The following PLA2G6 variants were observed in gnomAD, a reference collection of about 807,000 sequenced individuals.
PLA2G6 encodes phospholipase A2 group VI.
Under a neutral mutation model 83.8 loss-of-function variants are expected in PLA2G6, and 62 were observed. The ratio of observed to expected loss-of-function variants is 0.74; its 90% CI spans 0.60 to 0.91. PLA2G6 has a LOEUF of 0.91. Ranked by LOEUF, PLA2G6 falls within the 40% of genes least tolerant of loss-of-function variation. The pLI, the probability that PLA2G6 is intolerant of heterozygous loss-of-function variation, is 0.00. For synonymous variants in PLA2G6, 417 were observed against 449.8 expected (o/e 0.93, Z 0.92); for missense variants, 944 against 1,102.0 (o/e 0.86, Z 2.03).
chr22:38,116,090 G>A lies in PLA2G6; in HGVS notation c.1864C>T (p.Pro622Ser). The part of the protein sequence containing the change: ...RFNQNVNLRP[P>S]AQPSDQLVWR... ...TGGTTTAAACCTGAGGGCTGAGCTG[G>A]AGGCCTGAGGTTAACGTTCTGGTTG... The change falls in exon 13 of 17, where the codon CCA becomes TCA. Residue 622 changes from proline to serine, a missense_variant. Transcript: ENST00000332509. 1 of 1,614,064 alleles carries A rather than the reference G, an allele frequency of 6.2e-7. No homozygotes were observed. The highest frequency in any genetic ancestry group is 8.5e-7 in the Non-Finnish European group (1 of 1,180,000).
chr22:38,143,114 C>A lies in PLA2G6; in HGVS notation c.600G>T (p.Gln200His). The A allele has an allele frequency of 6.2e-7, 1 of 1,614,180 alleles. No homozygotes were observed. The highest frequency in any genetic ancestry group is 1.1e-5 in the South Asian group (1 of 91,086). ...FHYAVQGDNS[Q>H]VLQLLGRNAV... Reference sequence around the variant, plus strand: ...CCCTCCCCCTGCTCACCTGCAGCACCTGAGAATTGTCACCCTGGACAGCAT... The same window carrying A: ...CCCTCCCCCTGCTCACCTGCAGCACATGAGAATTGTCACCCTGGACAGCAT... Residue 200 changes from glutamine to histidine, a missense_variant, in exon 4 of 17, where the codon CAG (glutamine) becomes CAT (histidine). Transcript: ENST00000332509.
At chr22:38,135,165 T>C in intron 5 of PLA2G6, 81 bp from the exon 6 acceptor site, 2 of 916,536 alleles carry the variant, frequency 2.2e-6, no homozygotes, top group Non-Finnish European at 3.6e-6. Flanking sequence ...TGGAGCTTCA[T>C]CTACTGCTTA....
At chr22:38,133,040 G>T (rs368622574) in intron 6 of PLA2G6, 27 bp from the exon 7 acceptor site, 7 of 1,547,680 alleles carry the variant, frequency 4.5e-6, no homozygotes, top group Non-Finnish European at 6.1e-6. Context: ...GGCTGAGTTA[G>T]CACAGGCACT....
rs113101899 is a variant in PLA2G6, at chr22:38,134,744, C to A, written c.894+244G>T. 3 of 544,180 alleles carry A rather than the reference C, an allele frequency of 5.5e-6. No individual in the cohort carries two copies. The African/African-American group carries it at 5.7e-5, about 10-fold the overall frequency. 33.7% of individuals were successfully genotyped at this position (544,180 alleles called of 1,614,324 possible). A position where few individuals can be genotyped will look rare whatever the true frequency, so the allele number is the denominator to read the frequency against. On this transcript the variant is annotated intron_variant, in intron 6 of 16. Coordinates refer to ENST00000332509, the MANE Select transcript of PLA2G6 (RefSeq NM_003560.4). ...CACTGCCTTGCTGACTTCATCACAT[C>A]GCCAAAGCAGAATTCATGGATGAGG...
intron 2 of PLA2G6, among the ~76,000 whole-genome samples, chr22:38,161,495 C>T (rs376459575): frequency 9.5e-4 from 145 of 152,034 alleles, no homozygotes; most frequent in Middle Eastern, 3.4e-3. Flanking sequence ...CATATGATTT[C>T]GGGGGGATAC....
chr22:38,176,323 G>A (rs141954151), intron 1 of PLA2G6, among the ~76,000 whole-genome samples: 24 of 152,268 alleles, frequency 1.6e-4, no homozygotes, highest in African/African-American at 4.1e-4. Context: ...CGAGAGGTGC[G>A]TGACAGGAAC....
chr22:38,146,216 T>C (rs2089251950), intron 2 of PLA2G6: 1 of 168,252 alleles, frequency 5.9e-6, no homozygotes, highest in Non-Finnish European at 1.3e-5. Context: ...TTTGTGTTTT[T>C]AGTAGAGATG....
Position 38,112,191 on chromosome 22 carries a change from C to T in PLA2G6, c.2391G>A (p.Gln797=). 1.9e-6 allele frequency: 3 copies of T among 1,599,538 alleles called. No homozygotes were observed. The highest frequency in any genetic ancestry group is 2.6e-6 in the Non-Finnish European group (3 of 1,173,568). Residue 797 remains glutamine (Q), a synonymous_variant, in exon 17 of 17, where the codon CAG becomes CAA. Transcript: ENST00000332509. The stretch of plus-strand genomic sequence containing the variant: ...GTGAGAGCAGCAGCTGGATGAGCTT[C>T]TGGAACTCCTCGCGGTGCTCATAGA... ...VYIYEHREEF[Q]KLIQLLLSP
chr22:38,120,795 C>T lies in PLA2G6; in HGVS notation c.1706G>A (p.Gly569Glu). Residue 569 changes from glycine (G) to glutamate (E), a missense_variant, in exon 12 of 17, where the codon GGG (glycine) becomes GAG (glutamate). Physicochemically the swap from Gly to Glu is moderately conservative, Grantham distance 98. Coordinates refer to ENST00000332509, the MANE Select transcript of PLA2G6 (RefSeq NM_003560.4). Reference protein sequence around the residue: ...PLEEFLKREFGEHTKMTDVRK... With the variant: ...PLEEFLKREFEEHTKMTDVRK... ...GACGTCCGTCATCTTGGTGTGCTCC[C>T]CAAACTCCCGCTTCAGGAACTCCTC... is the stretch of plus-strand genomic sequence containing the variant. The T allele has an allele frequency of 1.2e-6, 2 of 1,613,910 alleles. No individual in the cohort carries two copies. The highest frequency in any genetic ancestry group is 1.7e-6 in the Non-Finnish European group (2 of 1,180,028).
rs1602057157 is a variant in PLA2G6 at position 38,113,656 on chromosome 22, T to C, written c.2035-2A>G. The C allele has an allele frequency of 6.2e-7, 1 of 1,613,418 alleles. No homozygotes were observed. Among genetic ancestry groups the C allele is most frequent in the Admixed American group, 1.7e-5 (1 of 60,004 alleles). On this transcript the variant is annotated splice_acceptor_variant, in intron 14 of 16. Transcript: ENST00000332509. LOFTEE classifies it high-confidence loss of function. ...TTTCTTCACCTTGTTGGCCTGACCCTGTTGGGAACAGGACAGGGGCAGTCA... is the reference window on the plus strand; with the variant it reads ...TTTCTTCACCTTGTTGGCCTGACCCCGTTGGGAACAGGACAGGGGCAGTCA...
At chr22:38,124,693 C>T (rs2087730799) in intron 10 of PLA2G6, among the ~76,000 whole-genome samples, 1 of 152,162 alleles carries the variant, frequency 6.6e-6, no homozygotes, top group Non-Finnish European at 1.5e-5. Context: ...TCCACCAGGG[C>T]AGAAGCCGCC....
chr22:38,112,721 G>A lies in PLA2G6; in HGVS notation c.2203-144C>T, dbSNP rs11570762. 4,580 of 718,600 alleles carry A rather than the reference G, an allele frequency of 6.4e-3. 160 individuals carry two copies. The African/African-American group carries it at 0.071, about 11-fold the overall frequency. 44.5% of individuals were successfully genotyped at this position (718,600 alleles called of 1,614,324 possible). On this transcript the variant is annotated intron_variant, in intron 15 of 16. Coordinates refer to ENST00000332509, the MANE Select transcript of PLA2G6 (RefSeq NM_003560.4). The stretch of plus-strand genomic sequence containing the variant: ...AGGCTGAGCCACACAGCAGCAGAGC[G>A]GCTCGGGCAAAACCCCTTCCTGGGA...
chr22:38,117,226 A>G (rs924525625), intron 12 of PLA2G6, among the ~76,000 whole-genome samples: 2 of 152,178 alleles, frequency 1.3e-5, no homozygotes, highest in Non-Finnish European at 2.9e-5. Flanking sequence ...CTTTTTTTTG[A>G]GACGGAGTCT....
chr22:38,114,933 G>A (rs1346722661), intron 14 of PLA2G6, among the ~76,000 whole-genome samples: 1 of 152,114 alleles, frequency 6.6e-6, no homozygotes, highest in South Asian at 2.1e-4. Flanking sequence ...CACCGCGCTC[G>A]CCCACCCCGG....
chr22:38,169,131 G>T, intron 2 of PLA2G6, 87 bp downstream of exon 2: 1 of 1,049,472 alleles, frequency 9.5e-7, no homozygotes. Flanking sequence ...GAGACTCAAA[G>T]AAACTGCTTC....
chr22:38,174,588 C>A (rs2090561550), intron 1 of PLA2G6, among the ~76,000 whole-genome samples: 1 of 152,104 alleles, frequency 6.6e-6, no homozygotes, highest in Non-Finnish European at 1.5e-5. Context: ...AGGGAAGGAC[C>A]CCTAAAGGGG....
chr22:38,175,490 G>A (rs756832904), intron 1 of PLA2G6, among the ~76,000 whole-genome samples: 2 of 152,084 alleles, frequency 1.3e-5, no homozygotes, highest in African/African-American at 4.8e-5. Context: ...CCGCACCATC[G>A]ATCTTCCCAG....
At position 38,115,659 on chromosome 22, in the gene PLA2G6, G is replaced by A. The variant is rs377488420; in HGVS notation, c.1902C>T (p.Ala634=). 20 of 1,540,672 alleles carry A rather than the reference G, an allele frequency of 1.3e-5. No individual in the cohort carries two copies. Among genetic ancestry groups the A allele is most frequent in the Non-Finnish European group, 1.7e-5 (19 of 1,146,358 alleles). Residue 634 remains alanine, a synonymous_variant, in exon 14 of 17, where the codon GCC becomes GCT. Transcript: ENST00000332509. ...AAGTAGGAGCTGCCCCGCTGCTTCG[G>A]GCCGCCCGCCACACCAGCTGGTCTA... is the stretch of plus-strand genomic sequence containing the variant. ...QPSDQLVWRA[A]RSSGAAPTYF...
At chr22:38,136,082 C>T (rs902750488) in intron 5 of PLA2G6, 3 of 152,124 alleles carry the variant, frequency 2.0e-5, no homozygotes, top group African/African-American at 4.8e-5. Context: ...AAAGGACAAA[C>T]GCTGTATGAT....
Sources: gnomAD v4.1 joint callset for allele counts (sites outside exome capture counted in the v4.1 genomes callset) on GRCh38, gnomAD v4.1.1 for gene constraint, MANE v1.5 for transcripts, NCBI Gene and HGNC (gene_info 2026-07-23, HGNC 2026-07-21) for gene names.